Variants in MAN1A2 observed in about 807,000 individuals in gnomAD.
MAN1A2 encodes the protein mannosidase alpha class 1A member 2.
MAN1A2 carries 26 observed loss-of-function variants against 75.7 expected under a neutral mutation model. That is an observed-to-expected ratio of 0.34 (90% CI 0.25 to 0.48). MAN1A2 has a LOEUF of 0.48. MAN1A2 is among the 20% of genes least tolerant of loss of function. MAN1A2 has a pLI of 0.99. For synonymous variants in MAN1A2, 247 were observed against 264.6 expected, an observed-to-expected ratio of 0.93 and a Z score of 0.65; for missense variants, 562 against 775.5, an observed-to-expected ratio of 0.72 and a Z score of 3.27.
intron 12 of MAN1A2, among the ~76,000 whole-genome samples, chr1:117,514,108 A>T (rs1402746364): frequency 6.6e-6 from 1 of 152,192 alleles, no homozygotes; most frequent in Non-Finnish European, 1.5e-5. Flanking sequence ...CATGCCTGTA[A>T]TCCCAGCACT....
intron 5 of MAN1A2, among the ~76,000 whole-genome samples, chr1:117,427,361 A>G (rs1434041630): frequency 6.6e-6 from 1 of 152,216 alleles, no homozygotes; most frequent in Admixed American, 6.5e-5. Flanking sequence ...TTCAGTGTTT[A>G]AAACAAAGTC....
At chr1:117,479,346 T>C (rs1413747485) in intron 8 of MAN1A2, among the ~76,000 whole-genome samples, 2 of 152,008 alleles carry the variant, frequency 1.3e-5, no homozygotes, top group African/African-American at 4.8e-5. Context: ...CAGTGTATTA[T>C]TAATGGGCAT....
At chr1:117,373,855 T>C (rs1018742181) in intron 1 of MAN1A2, among the ~76,000 whole-genome samples, 4 of 152,084 alleles carry the variant, frequency 2.6e-5, no homozygotes, top group African/African-American at 7.2e-5. Flanking sequence ...GATTGGAAAG[T>C]TGGTAATGCA....
intron 6 of MAN1A2, among the ~76,000 whole-genome samples, chr1:117,444,723 A>C (rs1198142421): frequency 6.6e-6 from 1 of 151,864 alleles, no homozygotes; most frequent in Non-Finnish European, 1.5e-5. Context: ...GTCTTTTTCT[A>C]ATTAATTTAT....
At chr1:117,505,965 T>C (rs1651348689) in intron 12 of MAN1A2, among the ~76,000 whole-genome samples, 1 of 151,450 alleles carries the variant, frequency 6.6e-6, no homozygotes, top group African/African-American at 2.4e-5. Flanking sequence ...AACAGTGATC[T>C]TAGGGAAGAT....
intron 5 of MAN1A2, among the ~76,000 whole-genome samples, chr1:117,421,158 G>A (rs1648174923): frequency 6.6e-6 from 1 of 151,960 alleles, no homozygotes. Flanking sequence ...TGGAGAAGTG[G>A]GTGTAGGAAA....
In MAN1A2 at chr1:117,515,155, C is replaced by T. The variant is rs942669113; in HGVS notation, c.1794-7670C>T. 5 of 172,750 alleles carry T rather than the reference C, an allele frequency of 2.9e-5. No homozygotes were observed. The South Asian group carries it at 3.9e-4, about 14-fold the overall frequency. 10.7% of individuals were successfully genotyped at this position (172,750 alleles called of 1,614,324 possible). A position where few individuals can be genotyped will look rare whatever the true frequency, so the allele number is the denominator to read the frequency against. On this transcript the variant is annotated intron_variant, in intron 12 of 12. Transcript: ENST00000356554. ...ATGTCAATGGGTTCATGGATTCAAC[C>T]AAACATGGATTGAAGATATAGTTTT...
intron 1 of MAN1A2, among the ~76,000 whole-genome samples, chr1:117,399,121 T>G (rs983886382): frequency 6.6e-6 from 1 of 152,144 alleles, no homozygotes; most frequent in Non-Finnish European, 1.5e-5. Flanking sequence ...TCTCAGGGCT[T>G]TTAAAATGCC....
At chr1:117,458,439 TATAAC>T (rs1375073044) in intron 6 of MAN1A2, among the ~76,000 whole-genome samples, 5 of 147,394 alleles carry the variant, frequency 3.4e-5, no homozygotes, top group Non-Finnish European at 6.0e-5. Flanking sequence ...ACAAATAAAA[TATAAC>T]ATATTGAATT....
rs1647458623 is a variant in MAN1A2, at chr1:117,402,246, A to C, written c.363A>C (p.Glu121Asp). ...IRADHEKALE[E>D]AKEKLRKSRE... ...CTGATCATGAGAAGGCCTTGGAAGA[A>C]GCAAAAGAAAAATTAAGAAAGTCAA... The change falls in exon 2 of 13, where the codon GAA (glutamate) becomes GAC (aspartate). Residue 121 changes from glutamate to aspartate, a missense_variant. By Grantham distance (45) the Glu-to-Asp change is conservative. Around this residue, in one of 2 missense-constraint regions of MAN1A2, gnomAD observed 434 missense variants for 645.7 expected, o/e 0.67. Coordinates refer to ENST00000356554, the MANE Select transcript of MAN1A2 (RefSeq NM_006699.5). 1 of 1,613,738 alleles carries C rather than the reference A, an allele frequency of 6.2e-7. No individual in the cohort carries two copies. Among genetic ancestry groups the C allele is most frequent in the African/African-American group, 1.3e-5 (1 of 74,922 alleles).
At chr1:117,483,446 G>T (rs1451864325) in intron 8 of MAN1A2, among the ~76,000 whole-genome samples, 3 of 151,984 alleles carry the variant, frequency 2.0e-5, no homozygotes, top group Non-Finnish European at 4.4e-5. Context: ...CCTTGAAGAG[G>T]TCCTTCACAT....
At chr1:117,370,781 T>C (rs1652936078) in intron 1 of MAN1A2, among the ~76,000 whole-genome samples, 1 of 132,620 alleles carries the variant, frequency 7.5e-6, no homozygotes, top group South Asian at 2.6e-4. Flanking sequence ...GGGTACAGGA[T>C]AGAGGGCTGA....
At position 117,523,296 on chromosome 1, in the gene MAN1A2, A is replaced by G. The variant is rs1651920715; in HGVS notation, c.*339A>G. The G allele has an allele frequency of 4.0e-6, 2 of 495,514 alleles. No individual in the cohort carries two copies. The highest frequency in any genetic ancestry group is 4.6e-5 in the Admixed American group (2 of 43,190). The allele number at this position is 495,514 out of a possible 1,614,324, so 30.7% of individuals were successfully genotyped here. A position where few individuals can be genotyped will look rare whatever the true frequency, so the allele number is the denominator to read the frequency against. On this transcript the variant is annotated 3_prime_UTR_variant, in exon 13 of 13. Transcript: ENST00000356554. ...GACTTCCTGAAAGCAAGTCAAGAAT[A>G]TAGAGCACCTTGCAGGAGTTCAAGA...
intron 1 of MAN1A2, among the ~76,000 whole-genome samples, chr1:117,370,349 G>A (rs562784227): frequency 1.6e-4 from 24 of 152,282 alleles, no homozygotes; most frequent in African/African-American, 5.5e-4. Flanking sequence ...TTCCAATGCA[G>A]TTTTTGGAAT....
chr1:117,448,399 G>T (rs1649306003), intron 6 of MAN1A2, among the ~76,000 whole-genome samples: 1 of 152,106 alleles, frequency 6.6e-6, no homozygotes, highest in African/African-American at 2.4e-5. Flanking sequence ...AGAAAAATCT[G>T]TTCATAGAAA....
intron 12 of MAN1A2, among the ~76,000 whole-genome samples, chr1:117,522,190 A>C (rs1460963273): frequency 7.9e-5 from 12 of 151,912 alleles, no homozygotes; most frequent in African/African-American, 2.7e-4. Flanking sequence ...AAAAAAATGA[A>C]TGACAGCAGA....
chr1:117,528,295 A>G lies in MAN1A2; in HGVS notation c.*5338A>G, dbSNP rs919285701. ...ATCAAATATTTCACTATTTGGGGAA[A>G]TTTTAGAGGAGGGGAAGCCTGTATT... On this transcript the variant is annotated 3_prime_UTR_variant, in exon 13 of 13. Transcript: ENST00000356554. 1 of 151,970 alleles carries G rather than the reference A, an allele frequency of 6.6e-6. No homozygotes were observed. The highest frequency in any genetic ancestry group is 1.5e-5 in the Non-Finnish European group (1 of 67,956). The allele number at this position is 151,970 out of a possible 1,614,324, so 9.4% of individuals were successfully genotyped here. A position where few individuals can be genotyped will look rare whatever the true frequency, so the allele number is the denominator to read the frequency against.
In MAN1A2 at chr1:117,448,619, G is replaced by C. The variant is rs140030162; in HGVS notation, c.950+6294G>C. On this transcript the variant is annotated intron_variant, in intron 6 of 12. Transcript: ENST00000356554. ...GCAGATTTGACACTGCATCAGAAAA[G>C]ATCAGTGAGCTTGAAGACAAAACAA... Among the ~76,000 whole-genome samples the C allele has an allele frequency of 3.8e-3, 584 of 152,272 alleles. 7 individuals carry two copies. The highest frequency in any genetic ancestry group is 0.013 in the African/African-American group (555 of 41,556).
At chr1:117,413,709 T>C (rs1405755694) in intron 3 of MAN1A2, among the ~76,000 whole-genome samples, 1 of 152,014 alleles carries the variant, frequency 6.6e-6, no homozygotes, top group African/African-American at 2.4e-5. Flanking sequence ...AGTAAATTCA[T>C]GTTGTTGAAG....
Sources: gnomAD v4.1 joint callset for allele counts (sites outside exome capture counted in the v4.1 genomes callset) on GRCh38, gnomAD v4.1.1 for gene constraint, gnomAD v4.1.1 regional missense constraint, MANE v1.5 for transcripts, NCBI Gene and HGNC (gene_info 2026-07-23, HGNC 2026-07-21) for gene names.